The following CHST11 variants were observed in gnomAD, a reference collection of about 807,000 sequenced individuals.
CHST11 encodes the protein carbohydrate sulfotransferase 11, also known as C4S-1.
Under a neutral mutation model 30.4 loss-of-function variants are expected in CHST11, and 9 were observed. That is an observed-to-expected ratio of 0.30 (90% confidence interval 0.18 to 0.52). CHST11 has a LOEUF of 0.52. Ranked by LOEUF, CHST11 falls within the 20% of genes least tolerant of loss-of-function variation. The pLI is 0.97. For synonymous variants in CHST11, 152 were observed against 187.8 expected, an observed-to-expected ratio of 0.81 and a Z score of 1.56; for missense variants, 348 against 460.6, an observed-to-expected ratio of 0.76 and a Z score of 2.24.
chr12:104,475,688 A>ATATATATATATATTTATTTATT (rs1555226434), intron 1 of CHST11, among the ~76,000 whole-genome samples: 12 of 78,466 alleles, frequency 1.5e-4, no homozygotes, highest in Non-Finnish European at 2.6e-4. Flanking sequence ...ATATATATAT[A>ATATATATATATATTTATTTATT]TATTTCTGAT....
chr12:104,734,656 C>T (rs1354028803), intron 2 of CHST11, among the ~76,000 whole-genome samples: 1 of 152,196 alleles, frequency 6.6e-6, no homozygotes, highest in Non-Finnish European at 1.5e-5. Context: ...CCCTGTAGTT[C>T]ATTCCACCCT....
intron 2 of CHST11, among the ~76,000 whole-genome samples, chr12:104,694,427 C>T (rs1456305306): frequency 2.6e-5 from 4 of 152,108 alleles, no homozygotes; most frequent in African/African-American, 7.2e-5. Flanking sequence ...CACCAGGCCC[C>T]GGAGTTCAAA....
intron 2 of CHST11, among the ~76,000 whole-genome samples, chr12:104,748,745 C>G (rs980899987): frequency 6.6e-6 from 1 of 152,142 alleles, no homozygotes; most frequent in African/African-American, 2.4e-5. Flanking sequence ...GTCGTTTAAG[C>G]CACCTGGTCT....
At chr12:104,613,385 G>T (rs1337056462) in intron 2 of CHST11, among the ~76,000 whole-genome samples, 1 of 152,118 alleles carries the variant, frequency 6.6e-6, no homozygotes, top group African/African-American at 2.4e-5. Flanking sequence ...TGAACCTGGG[G>T]GGACTGATAT....
intron 2 of CHST11, among the ~76,000 whole-genome samples, chr12:104,701,104 T>A (rs757225571): frequency 2.0e-5 from 3 of 152,150 alleles, no homozygotes; most frequent in Non-Finnish European, 4.4e-5. Context: ...TCCAGTCCCA[T>A]GACACACACA....
intron 2 of CHST11, among the ~76,000 whole-genome samples, chr12:104,707,776 C>G (rs2040049126): frequency 6.6e-6 from 1 of 152,192 alleles, no homozygotes; most frequent in South Asian, 2.1e-4. Flanking sequence ...ATACATGTAT[C>G]ATATATACCC....
chr12:104,463,346 A>C (rs1320232178), intron 1 of CHST11, among the ~76,000 whole-genome samples: 1 of 151,848 alleles, frequency 6.6e-6, no homozygotes, highest in Non-Finnish European at 1.5e-5. Flanking sequence ...ATAAAAGGGG[A>C]GGCAGTTCTT....
At chr12:104,469,080 A>T (rs1593951249) in intron 1 of CHST11, among the ~76,000 whole-genome samples, 1 of 152,350 alleles carries the variant, frequency 6.6e-6, no homozygotes, top group East Asian at 1.9e-4. Flanking sequence ...CCATGTCAAC[A>T]AGATGCTGTT....
intron 2 of CHST11, among the ~76,000 whole-genome samples, chr12:104,756,532 G>GGTGTGTGTGTGT (rs113577198): frequency 0.31 from 44,849 of 143,038 alleles, 7,073 homozygotes; most frequent in Non-Finnish European, 0.35. Flanking sequence ...ATCCATGTGG[G>GGTGTGTGTGTGT]GTGTGTGTGT....
chr12:104,754,701 A>T (rs1161359159), intron 2 of CHST11, among the ~76,000 whole-genome samples: 1 of 152,154 alleles, frequency 6.6e-6, no homozygotes, highest in Non-Finnish European at 1.5e-5. Flanking sequence ...AGGGGAATGC[A>T]CATCGGGGGA....
intron 1 of CHST11, among the ~76,000 whole-genome samples, chr12:104,574,480 C>A (rs1017904057): frequency 6.6e-6 from 1 of 152,196 alleles, no homozygotes; most frequent in Non-Finnish European, 1.5e-5. Context: ...CAATGATAGA[C>A]TGGATTAAGA....
chr12:104,700,181 A>G (rs2039979722), intron 2 of CHST11, among the ~76,000 whole-genome samples: 1 of 152,206 alleles, frequency 6.6e-6, no homozygotes, highest in South Asian at 2.1e-4. Flanking sequence ...TTATTCTTCC[A>G]ACTAAATTCC....
chr12:104,670,365 T>G lies in CHST11; in HGVS notation c.204+68374T>G, dbSNP rs560575189. The stretch of plus-strand genomic sequence containing the variant: ...CCAGGGCAGGGTGGTCCTTCCCCGC[T>G]TTTCTATTCCAGACCGTCCATGAAC... On this transcript the variant is annotated intron_variant, in intron 2 of 2. Transcript: ENST00000303694. 2.0e-5 allele frequency among the ~76,000 whole-genome samples: 3 copies of G among 152,220 alleles called. No individual in the cohort carries two copies. The South Asian group carries it at 6.2e-4, about 32-fold the overall frequency.
At chr12:104,645,227 G>A (rs535005733) in intron 2 of CHST11, among the ~76,000 whole-genome samples, 45 of 152,058 alleles carry the variant, frequency 3.0e-4, no homozygotes, top group East Asian at 2.1e-3. Flanking sequence ...GATTACAGGC[G>A]TGAGCCACCA....
intron 2 of CHST11, among the ~76,000 whole-genome samples, chr12:104,722,091 C>T (rs550557168): frequency 6.6e-6 from 1 of 152,058 alleles, no homozygotes; most frequent in African/African-American, 2.4e-5. Context: ...CAGGCTCAAA[C>T]CATCCGCTCC....
intron 1 of CHST11, among the ~76,000 whole-genome samples, chr12:104,560,535 G>A (rs531634215): frequency 2.5e-4 from 38 of 152,230 alleles, no homozygotes; most frequent in South Asian, 1.2e-3. Flanking sequence ...GGGAAGAGAC[G>A]GTCATACCTC....
intron 2 of CHST11, among the ~76,000 whole-genome samples, chr12:104,603,220 G>A (rs1378756263): frequency 2.6e-5 from 4 of 152,206 alleles, no homozygotes; most frequent in Non-Finnish European, 4.4e-5. Flanking sequence ...GGAAGAGGCA[G>A]AACTGTGCTT....
intron 1 of CHST11, among the ~76,000 whole-genome samples, chr12:104,508,516 T>C (rs1279212866): frequency 6.6e-6 from 1 of 152,218 alleles, no homozygotes; most frequent in Non-Finnish European, 1.5e-5. Flanking sequence ...AGGGTGTGCA[T>C]CATATCCAAT....
intron 2 of CHST11, among the ~76,000 whole-genome samples, chr12:104,681,075 G>T (rs1383890116): frequency 6.6e-6 from 1 of 152,162 alleles, no homozygotes; most frequent in Non-Finnish European, 1.5e-5. Flanking sequence ...TCAGTTTAAA[G>T]GTTCTCTCTT....
Sources: gnomAD v4.1 joint callset for allele counts (sites outside exome capture counted in the v4.1 genomes callset) on GRCh38, gnomAD v4.1.1 for gene constraint, MANE v1.5 for transcripts, NCBI Gene and HGNC (gene_info 2026-07-23, HGNC 2026-07-21) for gene names.